Variants in ACTR3B observed in about 807,000 individuals in gnomAD.
ACTR3B encodes actin related protein 3B.
In ACTR3B, 8 loss-of-function variants were observed where a neutral mutation model predicts 59.0. The ratio of observed to expected loss-of-function variants is 0.14; its 90% confidence interval spans 0.08 to 0.24. The LOEUF is 0.24. ACTR3B is among the 10% of genes least tolerant of loss of function. The pLI, the probability that ACTR3B is intolerant of heterozygous loss-of-function variation, is 1.00. For missense variants in ACTR3B, 245 were observed against 552.3 expected (o/e 0.44, Z 5.58); for synonymous variants, 148 against 197.9 (o/e 0.75, Z 2.12).
At chr7:152,783,609 A>T (rs1254582310) in intron 2 of ACTR3B, among the ~76,000 whole-genome samples, 1 of 151,530 alleles carries the variant, frequency 6.6e-6, no homozygotes, top group African/African-American at 2.4e-5. Flanking sequence ...CTATCGAAAG[A>T]TTCTTTTTTT....
intron 1 of ACTR3B, among the ~76,000 whole-genome samples, chr7:152,764,643 CA>C (rs57066285): frequency 0.47 from 55,295 of 116,550 alleles, 12,413 homozygotes; most frequent in East Asian, 0.75. Flanking sequence ...GACTCCATCT[CA>C]AAAAAAAAAA....
chr7:152,760,705 C>G (rs1010419085), intron 1 of ACTR3B, among the ~76,000 whole-genome samples: 2 of 152,228 alleles, frequency 1.3e-5, no homozygotes, highest in African/African-American at 2.4e-5. Context: ...AGTGTGACCA[C>G]TTCTTTCGTT....
chr7:152,806,432 T>C (rs570061165), intron 4 of ACTR3B, among the ~76,000 whole-genome samples: 1 of 152,376 alleles, frequency 6.6e-6, no homozygotes, highest in South Asian at 2.1e-4. Flanking sequence ...TGGCAGCAAG[T>C]AATAGAAGTA....
chr7:152,760,696 G>C (rs1252944473), intron 1 of ACTR3B, among the ~76,000 whole-genome samples: 1 of 152,152 alleles, frequency 6.6e-6, no homozygotes, highest in African/African-American at 2.4e-5. Context: ...AACTTTTTGA[G>C]TGTGACCACT....
chr7:152,788,411 G>GTTTTT, intron 2 of ACTR3B, among the ~76,000 whole-genome samples: 1 of 130,824 alleles, frequency 7.6e-6, no homozygotes, highest in African/African-American at 3.1e-5. Context: ...ATGTTCTAAA[G>GTTTTT]TTTTTTTTTT....
intron 1 of ACTR3B, among the ~76,000 whole-genome samples, chr7:152,770,781 G>T (rs1437139741): frequency 1.5e-5 from 2 of 135,500 alleles, no homozygotes; most frequent in Non-Finnish European, 3.3e-5. Context: ...TTGTAAGCAT[G>T]GCAACGAGTT....
intron 1 of ACTR3B, among the ~76,000 whole-genome samples, chr7:152,769,437 TGATATA>T (rs577044016): frequency 8.5e-4 from 130 of 152,328 alleles, no homozygotes; most frequent in Middle Eastern, 3.4e-3. Context: ...TGTGTTTGTC[TGATATA>T]GATATATATA....
intron 1 of ACTR3B, among the ~76,000 whole-genome samples, chr7:152,760,219 C>T (rs2098085036): frequency 6.6e-6 from 1 of 152,328 alleles, no homozygotes; most frequent in Middle Eastern, 3.4e-3. Context: ...TGGCCGGGCC[C>T]CTGGACCCGC....
At chr7:152,845,287 C>T (rs1050325046) in intron 9 of ACTR3B, among the ~76,000 whole-genome samples, 1 of 152,144 alleles carries the variant, frequency 6.6e-6, no homozygotes, top group African/African-American at 2.4e-5. Flanking sequence ...ACATTCTTCT[C>T]ATTTGCTGAG....
At chr7:152,841,652 T>A (rs1168709169) in intron 9 of ACTR3B, among the ~76,000 whole-genome samples, 2 of 152,230 alleles carry the variant, frequency 1.3e-5, no homozygotes, top group African/African-American at 4.8e-5. Flanking sequence ...ATGTTAAAAA[T>A]GTTAAAATAA....
At chr7:152,823,562 A>C in intron 8 of ACTR3B, 47 bp downstream of exon 8, 1 of 1,593,802 alleles carries the variant, frequency 6.3e-7, no homozygotes, top group Non-Finnish European at 8.6e-7. Flanking sequence ...ATGGAGCGAT[A>C]CTGCCACCCA....
intron 1 of ACTR3B, 22 bp downstream of exon 1, chr7:152,759,948 CCCCCGCTCCTCCGCGG>C (rs2098083793): frequency 3.0e-6 from 4 of 1,352,702 alleles, no homozygotes; most frequent in South Asian, 3.4e-5. Context: ...TCGGCGCCCA[CCCCCGCTCCTCCGCGG>C]CCCCGCTCCC....
chr7:152,759,937 C>T lies in ACTR3B; in HGVS notation c.44+11C>T. 2 of 1,375,176 alleles carry T rather than the reference C, an allele frequency of 1.5e-6. No homozygotes were observed. The highest frequency in any genetic ancestry group is 2.5e-4 in the Middle Eastern group (1 of 3,942). The allele number at this position is 1,375,176 out of a possible 1,614,324, so 85.2% of individuals were successfully genotyped here. On this transcript the variant is annotated intron_variant, in intron 1 of 11. Coordinates refer to ENST00000256001, the MANE Select transcript of ACTR3B (RefSeq NM_020445.6). ...GGACTGTGGCACCGGGTAAGAGCAG[C>T]TCGGCGCCCACCCCCGCTCCTCCGC...
At position 152,854,785 on chromosome 7, in the gene ACTR3B, C is replaced by CCCTCCT. The variant is rs368701446; in HGVS notation, c.*244_*249dup. On this transcript the variant is annotated 3_prime_UTR_variant, in exon 12 of 12. Coordinates refer to ENST00000256001, the MANE Select transcript of ACTR3B (RefSeq NM_020445.6). This position sits in a 1 kb window ranked among gnomAD's most constrained non-coding sequence, Gnocchi z 4.9. ...CTCCCGCCCTCCTCACCCTCGCTCTCCCTCCTCCTCCTCCTCCGAGCTGCT... is the reference window on the plus strand; with the variant it reads ...CTCCCGCCCTCCTCACCCTCGCTCTCCCTCCTCCTCCTCCTCCTCCTCCGAGCTGCT... 4 of 480,606 alleles carry CCCTCCT rather than the reference C, an allele frequency of 8.3e-6. No individual in the cohort carries two copies. The highest frequency in any genetic ancestry group is 3.9e-5 in the African/African-American group (2 of 50,810). 29.8% of individuals were successfully genotyped at this position (480,606 alleles called of 1,614,324 possible).
chr7:152,843,659 A>G (rs1307565563), intron 9 of ACTR3B, among the ~76,000 whole-genome samples: 1 of 152,264 alleles, frequency 6.6e-6, no homozygotes, highest in African/African-American at 2.4e-5. Context: ...TATTACAGAG[A>G]CATGACAAGT....
intron 1 of ACTR3B, among the ~76,000 whole-genome samples, chr7:152,778,943 C>CAAAAAAAA (rs59789390): frequency 1.4e-4 from 5 of 36,826 alleles, no homozygotes; most frequent in Non-Finnish European, 1.8e-4. Flanking sequence ...ACTGTGTCTC[C>CAAAAAAAA]AAAAAAAAAA....
chr7:152,771,222 T>C (rs2098123176), intron 1 of ACTR3B, among the ~76,000 whole-genome samples: 1 of 152,212 alleles, frequency 6.6e-6, no homozygotes, highest in Non-Finnish European at 1.5e-5. Context: ...CCCAAAGTGC[T>C]GGGATTACTG....
At chr7:152,830,583 CTG>C (rs35853960) in intron 9 of ACTR3B, among the ~76,000 whole-genome samples, 2,731 of 152,322 alleles carry the variant, frequency 0.018, 91 homozygotes, top group African/African-American at 0.063. Context: ...GAGCCTTGCT[CTG>C]TCGCCCACGC....
intron 1 of ACTR3B, among the ~76,000 whole-genome samples, chr7:152,761,500 C>G (rs1355234096): frequency 6.6e-6 from 1 of 152,232 alleles, no homozygotes; most frequent in East Asian, 1.9e-4. Context: ...GTGGACCTTA[C>G]TCATCTTTCT....
Sources: gnomAD v4.1 joint callset for allele counts (sites outside exome capture counted in the v4.1 genomes callset) on GRCh38, gnomAD v4.1.1 for gene constraint, Gnocchi (gnomAD v3.1) non-coding constraint, MANE v1.5 for transcripts, NCBI Gene and HGNC (gene_info 2026-07-23, HGNC 2026-07-21) for gene names.